The following GOLGA3 variants were observed in gnomAD, a reference collection of about 807,000 sequenced individuals.
GOLGA3 encodes the protein golgin subfamily A member 3.
A neutral mutation model predicts 169.4 loss-of-function variants in GOLGA3; 75 were observed. The observed-to-expected ratio is 0.44, with a 90% CI of 0.37 to 0.54. GOLGA3 has a LOEUF of 0.54. Among genes scored for constraint, GOLGA3 ranks in the 20% least tolerant of loss-of-function variants. The probability of loss-of-function intolerance (pLI) is 0.00; values close to 1 mark genes in which losing one functional copy is unlikely to be tolerated. For missense variants in GOLGA3, 1,899 were observed against 1,930.0 expected, an observed-to-expected ratio of 0.98 and a Z score of 0.30; for synonymous variants, 824 against 822.4, an observed-to-expected ratio of 1.00 and a Z score of -0.03.
intron 13 of GOLGA3, among the ~76,000 whole-genome samples, chr12:132,788,364 T>C (rs906942808): frequency 8.5e-5 from 13 of 152,138 alleles, no homozygotes; most frequent in African/African-American, 3.1e-4. Flanking sequence ...TCCCCAAATT[T>C]ACTGTTGCTC....
rs752180562 is a variant in GOLGA3, at chr12:132,791,301, A to C, written c.2470-8T>G. ...CTGCTGCAGGTGTTCCACCTGTGGG[A>C]GACATGTGCACAGACATTACACTGA... On this transcript the variant is annotated splice_region_variant and splice_polypyrimidine_tract_variant and intron_variant, in intron 11 of 23. Transcript: ENST00000450791. 2 of 1,564,934 alleles carry C rather than the reference A, an allele frequency of 1.3e-6. No individual in the cohort carries two copies. Among genetic ancestry groups the C allele is most frequent in the Non-Finnish European group, 1.8e-6 (2 of 1,138,256 alleles).
chr12:132,808,364 T>C lies in GOLGA3; in HGVS notation c.705A>G (p.Lys235=). 3.1e-6 allele frequency: 5 copies of C among 1,614,078 alleles called. No individual in the cohort carries two copies. The South Asian group carries it at 4.4e-5, about 14-fold the overall frequency. ...SLGLPAHPRE[K]KTSKSSKIRS... is the part of the protein sequence containing the mutation. ...GGATTTTGCTTGATTTGGAAGTTTTTTTCTCCCTAGGATGTGCCGGAAGCC... is the reference window on the plus strand; with the variant it reads ...GGATTTTGCTTGATTTGGAAGTTTTCTTCTCCCTAGGATGTGCCGGAAGCC... The change falls in exon 5 of 24, where the codon AAA becomes AAG. Residue 235 remains lysine, a synonymous_variant. Coordinates refer to ENST00000450791, the MANE Select transcript of GOLGA3 (RefSeq NM_001389683.1).
chr12:132,819,138 A>G (rs1313742725), intron 2 of GOLGA3, among the ~76,000 whole-genome samples: 1 of 151,156 alleles, frequency 6.6e-6, no homozygotes, highest in Non-Finnish European at 1.5e-5. Context: ...GTGGCTCTGG[A>G]GGCCCGGCAA....
At position 132,780,786 on chromosome 12, in the gene GOLGA3, G is replaced by C; in HGVS notation, c.3582+12C>G. On this transcript the variant is annotated intron_variant, in intron 18 of 23. Transcript: ENST00000450791. ...CTCTGGAACGCCCTGTGAGACGGAA[G>C]GTGGCACGCACCTGCTCCTTGAGGC... 1.9e-6 allele frequency: 3 copies of C among 1,541,756 alleles called. No homozygotes were observed. Among genetic ancestry groups the C allele is most frequent in the South Asian group, 1.1e-5 (1 of 89,542 alleles).
In GOLGA3 at chr12:132,804,580, C is replaced by T. The variant is rs1000640924; in HGVS notation, c.1597+136G>A. Reference sequence around the variant, plus strand: ...TCGAGGAAGGAGGGAGCAGCGGGGACCAGTCGAGGAAGGAGGAGGGAGCAG... The same window carrying T: ...TCGAGGAAGGAGGGAGCAGCGGGGATCAGTCGAGGAAGGAGGAGGGAGCAG... On this transcript the variant is annotated intron_variant, in intron 7 of 23. Transcript: ENST00000450791. The surrounding 1 kb of genome is among the most constrained non-coding windows in gnomAD (Gnocchi z 4.1). 7 of 702,916 alleles carry T rather than the reference C, an allele frequency of 1.0e-5. No individual in the cohort carries two copies. The highest frequency in any genetic ancestry group is 5.4e-5 in the East Asian group (2 of 37,158). The allele number at this position is 702,916 out of a possible 1,614,324, so 43.5% of individuals were successfully genotyped here.
chr12:132,782,236 T>G (rs1593247563), intron 17 of GOLGA3, 60 bp downstream of exon 17: 13 of 1,375,172 alleles, frequency 9.5e-6, no homozygotes, highest in South Asian at 3.5e-5. Flanking sequence ...ATTCTCGGAG[T>G]GCGCACAGCC....
rs148011147 is a variant in GOLGA3 at position 132,780,184 on chromosome 12, GCACA to G, written c.3582+610_3582+613del. ...CACTTGCATGCACAGCCCCCCGCGTGCACACACACCACACCCCAGGCACACGTGC... is the reference window on the plus strand; with the variant it reads ...CACTTGCATGCACAGCCCCCCGCGTGCACACCACACCCCAGGCACACGTGC... On this transcript the variant is annotated intron_variant, in intron 18 of 23. Coordinates refer to ENST00000450791, the MANE Select transcript of GOLGA3 (RefSeq NM_001389683.1). 5.7e-4 allele frequency among the ~76,000 whole-genome samples: 79 copies of G among 139,068 alleles called. 2 individuals are homozygous for G. Among genetic ancestry groups the G allele is most frequent in the South Asian group, 2.4e-3 (11 of 4,510 alleles). 91.2% of individuals were successfully genotyped at this position (139,068 alleles called of 152,430 possible).
intron 5 of GOLGA3, 23 bp from the exon 6 acceptor site, chr12:132,807,311 G>C (rs573518604): frequency 7.3e-7 from 1 of 1,370,220 alleles, no homozygotes; most frequent in Non-Finnish European, 1.0e-6. Context: ...GCACGGGTCA[G>C]GCCTGTGCGA....
chr12:132,779,923 T>G (rs1430003994), intron 18 of GOLGA3, among the ~76,000 whole-genome samples: 1 of 111,256 alleles, frequency 9.0e-6, no homozygotes, highest in Non-Finnish European at 1.7e-5. Context: ...GCCCCCCGCA[T>G]GCACACAACC....
chr12:132,774,841 C>A, intron 22 of GOLGA3: 1 of 495,504 alleles, frequency 2.0e-6, no homozygotes, highest in Non-Finnish European at 3.5e-6. Context: ...CTCCCGGGCC[C>A]CAGCCCTTCA....
chr12:132,784,004 C>G, intron 16 of GOLGA3, 160 bp downstream of exon 16: 1 of 1,505,070 alleles, frequency 6.6e-7, no homozygotes, highest in East Asian at 2.5e-5. Context: ...GCCTGCCCCA[C>G]CACAGAGCCA....
At chr12:132,782,908 A>C (rs866618310) in intron 16 of GOLGA3, among the ~76,000 whole-genome samples, 115 of 151,774 alleles carry the variant, frequency 7.6e-4, no homozygotes, top group South Asian at 1.0e-3. Context: ...AGAAAAGAAA[A>C]GAAACATCGA....
rs750169661 is a variant in GOLGA3 at position 132,801,843 on chromosome 12, C to T, written c.1724G>A (p.Arg575Gln). The change falls in exon 8 of 24, where the codon CGG (arginine) becomes CAG (glutamine). Residue 575 changes from arginine (R) to glutamine (Q), a missense_variant. Physicochemically the swap from Arg to Gln is conservative, Grantham distance 43. Coordinates refer to ENST00000450791, the MANE Select transcript of GOLGA3 (RefSeq NM_001389683.1). The stretch of plus-strand genomic sequence containing the variant: ...GGCGAGCTGCTGCTGGTACCACTGC[C>T]GGACACTCTGCAGGGACGAGATCTC... ...QAEISSLQSV[R>Q]QWYQQQLALA... The T allele has an allele frequency of 1.6e-5, 26 of 1,608,658 alleles. No homozygotes were observed. The highest frequency in any genetic ancestry group is 4.0e-5 in the African/African-American group (3 of 74,920).
intron 2 of GOLGA3, among the ~76,000 whole-genome samples, chr12:132,821,472 A>G (rs1216125096): frequency 6.6e-6 from 1 of 152,110 alleles, no homozygotes; most frequent in Non-Finnish European, 1.5e-5. Context: ...CCCTTCAGGG[A>G]AACACTGCTG....
At chr12:132,825,292 G>A (rs1950366920) in intron 1 of GOLGA3, among the ~76,000 whole-genome samples, 1 of 151,948 alleles carries the variant, frequency 6.6e-6, no homozygotes, top group Admixed American at 6.6e-5. Context: ...AAAGTGTCTC[G>A]TCTACCCCCT....
chr12:132,796,665 C>T lies in GOLGA3; in HGVS notation c.1974G>A (p.Gln658=). ...CCACCATCGTCTTTGCCTCCTGAAT[C>T]TGCATGAAGGCTGCTTCCTGATCCA... The part of the protein sequence containing the change: ...DMLDQEAAFM[Q]IQEAKTMVEE... Residue 658 remains glutamine (Q), a synonymous_variant, in exon 10 of 24, where the codon CAG becomes CAA. Coordinates refer to ENST00000450791, the MANE Select transcript of GOLGA3 (RefSeq NM_001389683.1). 6.2e-7 allele frequency: 1 copy of T among 1,614,126 alleles called. No individual in the cohort carries two copies. The highest frequency in any genetic ancestry group is 8.5e-7 in the Non-Finnish European group (1 of 1,180,004).
chr12:132,796,778 G>C, intron 9 of GOLGA3, 78 bp from the exon 10 acceptor site: 1 of 1,414,936 alleles, frequency 7.1e-7, no homozygotes, highest in Non-Finnish European at 9.7e-7. Flanking sequence ...GTGCTCTGCA[G>C]AGAAACCCAC....
Position 132,777,067 on chromosome 12 carries a change from T to C in GOLGA3, c.3746A>G (p.Gln1249Arg), listed in dbSNP as rs2045287269. The C allele has an allele frequency of 6.3e-7, 1 of 1,598,032 alleles. No homozygotes were observed. The highest frequency in any genetic ancestry group is 1.7e-4 in the Middle Eastern group (1 of 5,980). The part of the protein sequence containing the change: ...DLQIREGKHS[Q>R]EIAQFQAELA... ...CTCTGCTTGGAACTGTGCTATCTCCTGGGAATGTTTCCCCTCCCGAATCCT... is the reference window on the plus strand; with the variant it reads ...CTCTGCTTGGAACTGTGCTATCTCCCGGGAATGTTTCCCCTCCCGAATCCT... The change falls in exon 20 of 24, where the codon CAG becomes CGG. Residue 1249 changes from glutamine to arginine, a missense_variant. Transcript: ENST00000450791. The surrounding 1 kb of genome is among the most constrained non-coding windows in gnomAD (Gnocchi z 4.7).
chr12:132,802,217 C>G (rs4758936), intron 7 of GOLGA3, among the ~76,000 whole-genome samples: 89,793 of 152,238 alleles, frequency 0.59, 26,713 homozygotes, highest in East Asian at 0.7. Flanking sequence ...CCTTCACCAG[C>G]TCATCAATAC....
Sources: gnomAD v4.1 joint callset for allele counts (sites outside exome capture counted in the v4.1 genomes callset) on GRCh38, gnomAD v4.1.1 for gene constraint, Gnocchi (gnomAD v3.1) non-coding constraint, MANE v1.5 for transcripts, NCBI Gene and HGNC (gene_info 2026-07-23, HGNC 2026-07-21) for gene names.